Variants in CPAMD8 observed in about 807,000 individuals in gnomAD.
CPAMD8 encodes C3 and PZP-like alpha-2-macroglobulin domain-containing protein 8.
Under a neutral mutation model 224.7 loss-of-function variants are expected in CPAMD8, and 146 were observed. That is an observed-to-expected ratio of 0.65 (90% confidence interval 0.57 to 0.75). CPAMD8 has a LOEUF of 0.75. Among genes scored for constraint, CPAMD8 ranks in the 30% least tolerant of loss-of-function variants. The pLI is 0.00. For missense variants in CPAMD8, 2,301 were observed against 2,537.5 expected, an observed-to-expected ratio of 0.91 and a Z score of 2.00; for synonymous variants, 966 against 1,044.6, an observed-to-expected ratio of 0.92 and a Z score of 1.45.
intron 39 of CPAMD8, 62 bp from the exon 40 acceptor site, chr19:16,896,727 A>T: frequency 8.5e-7 from 1 of 1,170,766 alleles, no homozygotes; most frequent in Non-Finnish European, 1.1e-6. Context: ...CCCCCACAGA[A>T]CCTGGGGGTG....
intron 19 of CPAMD8, among the ~76,000 whole-genome samples, chr19:16,957,318 C>T (rs975960555): frequency 2.0e-5 from 3 of 152,204 alleles, no homozygotes; most frequent in East Asian, 3.9e-4. Flanking sequence ...TGCCGGGGCA[C>T]GCCAGTGCCA....
chr19:17,020,346 C>G lies in CPAMD8; in HGVS notation c.252G>C (p.Gly84=), dbSNP rs1304737285. 1 of 1,585,306 alleles carries G rather than the reference C, an allele frequency of 6.3e-7. No individual in the cohort carries two copies. Among genetic ancestry groups the G allele is most frequent in the Non-Finnish European group, 8.7e-7 (1 of 1,154,750 alleles). ...VQSQGAILDK[G]TIKLKVPTGL... The stretch of plus-strand genomic sequence containing the variant: ...AACGGCTTACCTTGAGTTTGATTGT[C>G]CCTTTATCTAAAAATGAAAATAAAA... Residue 84 remains glycine (G), a synonymous_variant, in exon 3 of 42, where the codon GGG becomes GGC. Transcript: ENST00000443236.
intron 21 of CPAMD8, among the ~76,000 whole-genome samples, chr19:16,946,769 G>C (rs541541304): frequency 6.6e-6 from 1 of 151,966 alleles, no homozygotes; most frequent in East Asian, 1.9e-4. Context: ...GTGTGTGCAT[G>C]TCTACACATG....
At chr19:16,969,873 C>CAAAAAA (rs768905816) in intron 18 of CPAMD8, among the ~76,000 whole-genome samples, 3 of 69,842 alleles carry the variant, frequency 4.3e-5, no homozygotes, top group African/African-American at 1.7e-4. Context: ...GGCTCCATCT[C>CAAAAAA]AAAAAAAAAA....
intron 13 of CPAMD8, among the ~76,000 whole-genome samples, chr19:16,987,795 C>T (rs2055798799): frequency 6.6e-6 from 1 of 151,816 alleles, no homozygotes; most frequent in South Asian, 2.1e-4. Context: ...GGACTACAGG[C>T]ATGCACCACC....
Position 17,022,290 on chromosome 19 carries a change from C to A in CPAMD8, c.93-109G>T, listed in dbSNP as rs1489198457. On this transcript the variant is annotated intron_variant, in intron 1 of 41. Transcript: ENST00000443236. ...GCAGCAGACTCCTGCCTTTTGCTGA[C>A]CACACCTGGCTGGCATTGATGCTCT... The A allele has an allele frequency of 4.8e-6, 6 of 1,249,632 alleles. No individual in the cohort carries two copies. The Admixed American group carries it at 1.3e-4, about 28-fold the overall frequency. 77.4% of individuals were successfully genotyped at this position (1,249,632 alleles called of 1,614,324 possible).
chr19:16,945,804 T>C (rs570341990), intron 21 of CPAMD8, 125 bp from the exon 22 acceptor site: 13 of 855,626 alleles, frequency 1.5e-5, no homozygotes, highest in African/African-American at 1.2e-4. Flanking sequence ...TGTGTGTGTG[T>C]ATATGCAGAT....
intron 6 of CPAMD8, 141 bp from the exon 7 acceptor site, chr19:17,008,700 G>A: frequency 1.1e-6 from 1 of 942,068 alleles, no homozygotes. Flanking sequence ...ATTAACCCCG[G>A]GGCAAAAAAA....
intron 11 of CPAMD8, among the ~76,000 whole-genome samples, chr19:16,994,543 CAG>C (rs1183948037): frequency 9.4e-6 from 1 of 106,806 alleles, no homozygotes; most frequent in Non-Finnish European, 1.7e-5. Flanking sequence ...TTTTGAGAGA[CAG>C]AGTCTTGCTC....
chr19:16,911,160 G>A (rs1038892504), intron 29 of CPAMD8, among the ~76,000 whole-genome samples: 3 of 152,176 alleles, frequency 2.0e-5, no homozygotes, highest in Non-Finnish European at 4.4e-5. Context: ...GGCCTGTTAG[G>A]AAGGGGCTGC....
At chr19:16,965,756 A>C (rs1405662388) in intron 18 of CPAMD8, among the ~76,000 whole-genome samples, 2 of 152,212 alleles carry the variant, frequency 1.3e-5, no homozygotes, top group African/African-American at 4.8e-5. Context: ...CTACAAAGAT[A>C]ATAAAATACC....
At chr19:16,952,227 G>C in intron 19 of CPAMD8, 27 bp from the exon 20 acceptor site, 2 of 1,332,278 alleles carry the variant, frequency 1.5e-6, no homozygotes, top group South Asian at 1.3e-5. Flanking sequence ...AGCCATGATG[G>C]GGGGCCCTTC....
At position 16,938,494 on chromosome 19, in the gene CPAMD8, A is replaced by C. The variant is rs748603010; in HGVS notation, c.2794-48T>G. 9 of 1,114,950 alleles carry C rather than the reference A, an allele frequency of 8.1e-6. 1 individual carries two copies. In the Admixed American group the frequency reaches 1.9e-4, roughly 23 times the overall value. 69.1% of individuals were successfully genotyped at this position (1,114,950 alleles called of 1,614,324 possible). Reference sequence around the variant, plus strand: ...ACTGAGTGCTGGGGCGGTGAGGGGGATGGTCAGCTCAGCGGAGCAGCTGGC... The same window carrying C: ...ACTGAGTGCTGGGGCGGTGAGGGGGCTGGTCAGCTCAGCGGAGCAGCTGGC... On this transcript the variant is annotated intron_variant, in intron 22 of 41. Coordinates refer to ENST00000443236, the MANE Select transcript of CPAMD8 (RefSeq NM_015692.5).
chr19:16,903,820 G>A lies in CPAMD8; in HGVS notation c.4289C>T (p.Ala1430Val), dbSNP rs2052359823. Residue 1430 changes from alanine (A) to valine (V), a missense_variant, in exon 33 of 42, where the codon GCC (alanine) becomes GTC (valine). Physicochemically the swap from Ala to Val is moderately conservative, Grantham distance 64. Transcript: ENST00000443236. ...GATGCCTCCAGCATAGGACAAGATG[G>A]CATATTCAGCCAAGGCCTGCAGAGC... ...CVALQALAEY[A>V]ILSYAGGINL... 6.2e-7 allele frequency: 1 copy of A among 1,614,048 alleles called. No homozygotes were observed.
intron 19 of CPAMD8, among the ~76,000 whole-genome samples, chr19:16,955,521 T>G (rs1358128472): frequency 6.6e-6 from 1 of 152,084 alleles, no homozygotes; most frequent in Non-Finnish European, 1.5e-5. Context: ...AGTGTCAGTT[T>G]TGTAAGATGA....
At chr19:16,991,188 G>A (rs1420870639) in intron 12 of CPAMD8, among the ~76,000 whole-genome samples, 2 of 152,136 alleles carry the variant, frequency 1.3e-5, no homozygotes, top group Non-Finnish European at 2.9e-5. Flanking sequence ...TCCTGGTTCT[G>A]TGCAGAGAAC....
chr19:16,999,404 C>T lies in CPAMD8; in HGVS notation c.867+1010G>A, dbSNP rs1292743098. 2.0e-5 allele frequency among the ~76,000 whole-genome samples: 3 copies of T among 151,822 alleles called. No individual in the cohort carries two copies. In the East Asian group the frequency reaches 5.8e-4, roughly 29 times the overall value. On this transcript the variant is annotated intron_variant, in intron 10 of 41. Coordinates refer to ENST00000443236, the MANE Select transcript of CPAMD8 (RefSeq NM_015692.5). ...GACCATCCTAGCTAATACAGTGAAA[C>T]CCCGTCTCTACTAAAAATACAAAAA...
chr19:16,960,514 G>C (rs531062493), intron 18 of CPAMD8, among the ~76,000 whole-genome samples: 1 of 150,486 alleles, frequency 6.6e-6, no homozygotes, highest in Non-Finnish European at 1.5e-5. Context: ...TCCAAGACTT[G>C]TTGTTAACTT....
chr19:16,909,969 A>G (rs998370944), intron 29 of CPAMD8, among the ~76,000 whole-genome samples: 28 of 151,336 alleles, frequency 1.9e-4, no homozygotes, highest in Admixed American at 1.6e-3. Flanking sequence ...CTCCTGCCTC[A>G]GCCTCCCGAG....
Sources: allele counts gnomAD v4.1 joint callset (sites outside exome capture counted in the v4.1 genomes callset), GRCh38; gene constraint gnomAD v4.1.1; transcripts MANE v1.5; gene names NCBI Gene and HGNC (gene_info 2026-07-23, HGNC 2026-07-21).